Variants in XRCC4 observed in about 807,000 individuals in gnomAD.
XRCC4 encodes DNA repair protein XRCC4.
Under a neutral mutation model 39.1 loss-of-function variants are expected in XRCC4, and 28 were observed. The ratio of observed to expected loss-of-function variants is 0.72; its 90% CI spans 0.53 to 0.98. The LOEUF is 0.98. Ranked by LOEUF, XRCC4 falls within the 50% of genes least tolerant of loss-of-function variation. XRCC4 has a pLI of 0.00. For missense variants in XRCC4, 350 were observed against 376.4 expected (o/e 0.93, Z 0.58); for synonymous variants, 123 against 126.4 (o/e 0.97, Z 0.18).
chr5:83,327,609 A>G (rs10057767), intron 7 of XRCC4, among the ~76,000 whole-genome samples: 4,433 of 152,182 alleles, frequency 0.029, 215 homozygotes, highest in African/African-American at 0.1. Flanking sequence ...ATTGTATACC[A>G]TAAATATATA....
intron 6 of XRCC4, among the ~76,000 whole-genome samples, chr5:83,231,986 C>T (rs144719623): frequency 9.7e-4 from 148 of 152,088 alleles, no homozygotes; most frequent in Non-Finnish European, 1.7e-3. Context: ...TAATGACCTT[C>T]CCTGCAAAAT....
chr5:83,089,004 A>G (rs1218167703), intron 1 of XRCC4, among the ~76,000 whole-genome samples: 1 of 152,198 alleles, frequency 6.6e-6, no homozygotes, highest in African/African-American at 2.4e-5. Context: ...TTTCTGATCA[A>G]TAAGGTAATT....
At chr5:83,159,584 C>T (rs1749111860) in intron 3 of XRCC4, among the ~76,000 whole-genome samples, 2 of 152,212 alleles carry the variant, frequency 1.3e-5, no homozygotes, top group African/African-American at 4.8e-5. Flanking sequence ...AGGGGCCTCA[C>T]ATGACCTTGT....
At chr5:83,351,852 G>T (rs1037368616) in intron 7 of XRCC4, among the ~76,000 whole-genome samples, 4 of 152,164 alleles carry the variant, frequency 2.6e-5, no homozygotes, top group Admixed American at 6.5e-5. Flanking sequence ...AACTAGGTAA[G>T]GGTGCAGGCT....
intron 4 of XRCC4, among the ~76,000 whole-genome samples, chr5:83,198,035 G>A (rs1429226701): frequency 6.6e-6 from 1 of 152,124 alleles, no homozygotes; most frequent in African/African-American, 2.4e-5. Flanking sequence ...TGCTGGAAAG[G>A]ATTTACAGCT....
chr5:83,103,124 G>A (rs1487413205), intron 1 of XRCC4, among the ~76,000 whole-genome samples: 1 of 150,226 alleles, frequency 6.7e-6, no homozygotes, highest in Non-Finnish European at 1.5e-5. Flanking sequence ...CATGAAAAAA[G>A]CTGTTTATAA....
intron 6 of XRCC4, among the ~76,000 whole-genome samples, chr5:83,231,159 G>A (rs1298841579): frequency 2.0e-5 from 3 of 151,940 alleles, no homozygotes; most frequent in Non-Finnish European, 2.9e-5. Context: ...TATGAATAAT[G>A]ATACTCATCT....
At chr5:83,087,696 C>T (rs1437368210) in intron 1 of XRCC4, among the ~76,000 whole-genome samples, 1 of 151,590 alleles carries the variant, frequency 6.6e-6, no homozygotes, top group Non-Finnish European at 1.5e-5. Context: ...CTGGTCATAG[C>T]GTGTTCATTG....
chr5:83,358,424 A>G (rs145185560), downstream of XRCC4, among the ~76,000 whole-genome samples: 245 of 152,076 alleles, frequency 1.6e-3, 3 homozygotes, highest in Middle Eastern at 0.041. Context: ...ATAAAATTCA[A>G]TATGAATTTT....
At chr5:83,153,695 T>A (rs1414912100) in intron 3 of XRCC4, among the ~76,000 whole-genome samples, 1 of 152,142 alleles carries the variant, frequency 6.6e-6, no homozygotes, top group Non-Finnish European at 1.5e-5. Context: ...AGAATGTAAA[T>A]TTTTAAATTT....
At position 83,280,968 on chromosome 5, in the gene XRCC4, G is replaced by A. The variant is rs181726170; in HGVS notation, c.893+22291G>A. ...TTCTTTTAGTGCAAGGTTTACCTAC[G>A]CTACATGATAGCTATAGGAAAAAAT... On this transcript the variant is annotated intron_variant, in intron 7 of 7. Coordinates refer to ENST00000396027, the MANE Select transcript of XRCC4 (RefSeq NM_003401.5). Among the ~76,000 whole-genome samples the A allele has an allele frequency of 4.6e-5, 7 of 152,196 alleles. No individual in the cohort carries two copies. The East Asian group carries it at 1.2e-3, about 25-fold the overall frequency.
intron 1 of XRCC4, among the ~76,000 whole-genome samples, chr5:83,093,175 C>G (rs1172361969): frequency 6.6e-6 from 1 of 151,976 alleles, no homozygotes; most frequent in African/African-American, 2.4e-5. Context: ...GCAATACTTA[C>G]AGCAGAAAAT....
chr5:83,236,407 A>G (rs1218486091), intron 6 of XRCC4, among the ~76,000 whole-genome samples: 1 of 152,186 alleles, frequency 6.6e-6, no homozygotes, highest in Non-Finnish European at 1.5e-5. Context: ...ACCCTCAGAA[A>G]TAAATCCATG....
At chr5:83,243,689 A>C (rs1340957765) in intron 6 of XRCC4, among the ~76,000 whole-genome samples, 1 of 152,186 alleles carries the variant, frequency 6.6e-6, no homozygotes, top group East Asian at 1.9e-4. Flanking sequence ...AGGATTGTGG[A>C]TCAGTTTAGT....
chr5:83,197,752 C>A (rs1751014005), intron 4 of XRCC4, among the ~76,000 whole-genome samples: 1 of 152,094 alleles, frequency 6.6e-6, no homozygotes, highest in Non-Finnish European at 1.5e-5. Flanking sequence ...TATGATCCAG[C>A]TATTTTTTTG....
chr5:83,121,948 A>T (rs1561341585), intron 3 of XRCC4, among the ~76,000 whole-genome samples: 1 of 152,224 alleles, frequency 6.6e-6, no homozygotes, highest in Non-Finnish European at 1.5e-5. Flanking sequence ...TTCCCTGCTG[A>T]ATTTTTCTTG....
chr5:83,330,498 CTAT>C (rs1389726547), intron 7 of XRCC4, among the ~76,000 whole-genome samples: 2 of 151,830 alleles, frequency 1.3e-5, no homozygotes, highest in South Asian at 2.1e-4. Flanking sequence ...TTTATACAAG[CTAT>C]TATTTAGTTA....
intron 3 of XRCC4, among the ~76,000 whole-genome samples, chr5:83,155,811 C>T (rs567722691): frequency 6.6e-6 from 1 of 152,130 alleles, no homozygotes; most frequent in South Asian, 2.1e-4. Context: ...AGAATGATTT[C>T]TTTCAAAAAT....
chr5:83,153,045 C>T (rs1043023330), intron 3 of XRCC4, among the ~76,000 whole-genome samples: 25 of 152,164 alleles, frequency 1.6e-4, no homozygotes, highest in Non-Finnish European at 3.5e-4. Flanking sequence ...TTCCTAACCC[C>T]TGGCAACCAC....
Sources: allele counts gnomAD v4.1 joint callset (sites outside exome capture counted in the v4.1 genomes callset), GRCh38; gene constraint gnomAD v4.1.1; transcripts MANE v1.5; gene names NCBI Gene and HGNC (gene_info 2026-07-23, HGNC 2026-07-21).